The following MTIF2 variants were observed in gnomAD, a reference collection of about 807,000 sequenced individuals.
The protein encoded by MTIF2 is mitochondrial translational initiation factor 2, also known as translation initiation factor IF-2, mitochondrial.
In MTIF2, 71 loss-of-function variants were observed where a neutral mutation model predicts 83.5. That is an observed-to-expected ratio of 0.85 (90% confidence interval 0.70 to 1.04). The LOEUF (loss-of-function observed/expected upper bound fraction) is 1.04. Ranked by LOEUF, MTIF2 falls within the 50% of genes least tolerant of loss-of-function variation. MTIF2 has a pLI of 0.00. For missense variants in MTIF2, 957 were observed against 846.5 expected, an observed-to-expected ratio of 1.13 and a Z score of -1.62; for synonymous variants, 319 against 287.1, an observed-to-expected ratio of 1.11 and a Z score of -1.12.
rs1677180210 is a variant in MTIF2 at position 55,252,587 on chromosome 2, A to G, written c.731T>C (p.Met244Thr). Reference sequence around the variant, plus strand: ...AGTGACCTGAGCACCTCTGGCTCTCATTGCTGAGAAAGCAGCATGTCCTGG... The same window carrying G: ...AGTGACCTGAGCACCTCTGGCTCTCGTTGCTGAGAAAGCAGCATGTCCTGG... ...DTPGHAAFSA[M>T]RARGAQVTDI... is the part of the protein sequence containing the mutation. Residue 244 changes from methionine to threonine, a missense_variant, in exon 8 of 16, where the codon ATG becomes ACG. This residue lies in a region of MTIF2 where 733 missense variants were observed against 648.7 expected (regional missense o/e 1.13). Coordinates refer to ENST00000263629, the MANE Select transcript of MTIF2 (RefSeq NM_002453.3). 6.2e-7 allele frequency: 1 copy of G among 1,614,172 alleles called. No homozygotes were observed. The highest frequency in any genetic ancestry group is 8.5e-7 in the Non-Finnish European group (1 of 1,179,994).
At position 55,262,320 on chromosome 2, in the gene MTIF2, GT is replaced by G; in HGVS notation, c.326del (p.Asn109ThrfsTer10). On this transcript the variant is annotated frameshift_variant, in exon 5 of 16. Coordinates refer to ENST00000263629, the MANE Select transcript of MTIF2 (RefSeq NM_002453.3). LOFTEE classifies it high-confidence loss of function. ...TTGTAAAAATATCTGACTCACCTGTGTTTTTTTCCATTGCCCTGGCCAGTTC... is the reference window on the plus strand; with the variant it reads ...TTGTAAAAATATCTGACTCACCTGTGTTTTTTCCATTGCCCTGGCCAGTTC... ...IEELARAMEK[N>X]TDYVYEALLN... is the part of the protein sequence containing the mutation. The G allele has an allele frequency of 8.7e-6, 14 of 1,606,362 alleles. No homozygotes were observed. The highest frequency in any genetic ancestry group is 1.2e-5 in the Non-Finnish European group (14 of 1,174,464).
chr2:55,247,594 A>T (rs182287882), intron 9 of MTIF2, among the ~76,000 whole-genome samples: 1 of 152,266 alleles, frequency 6.6e-6, no homozygotes, highest in East Asian at 1.9e-4. Flanking sequence ...AAAACAAAAC[A>T]AAACAAAACA....
rs1278696566 is a variant in MTIF2, at chr2:55,240,129, C to T, written c.1752G>A (p.Gln584=). ...FNVNAGNVIQ[Q]SAAKKGVKIK... ...TTTTTACTCCTTTTTTTGCAGCTGA[C>T]TGTTGGATAACATTGCCTGCATTCA... is the stretch of plus-strand genomic sequence containing the variant. The change falls in exon 14 of 16, where the codon CAG becomes CAA. Residue 584 remains glutamine, a synonymous_variant. Transcript: ENST00000263629. The T allele has an allele frequency of 6.2e-6, 10 of 1,613,868 alleles. No individual in the cohort carries two copies. The highest frequency in any genetic ancestry group is 8.5e-6 in the Non-Finnish European group (10 of 1,179,908).
At position 55,243,502 on chromosome 2, in the gene MTIF2, C is replaced by T. The variant is rs188291557; in HGVS notation, c.1478G>A (p.Arg493Gln). The T allele has an allele frequency of 2.0e-5, 32 of 1,613,808 alleles. No homozygotes were observed. The highest frequency in any genetic ancestry group is 1.6e-4 in the Middle Eastern group (1 of 6,082). Residue 493 changes from arginine to glutamine, a missense_variant, in exon 12 of 16, where the codon CGG becomes CAG. By Grantham distance (43) the Arg-to-Gln change is conservative. This residue lies in a region of MTIF2 where 733 missense variants were observed against 648.7 expected (regional missense o/e 1.13). Transcript: ENST00000263629. ...TATTTGTTCTTTTCTTTCTAAAAACCGTAGAATTGATCTCTTCTTCCACAG... is the reference window on the plus strand; with the variant it reads ...TATTTGTTCTTTTCTTTCTAAAAACTGTAGAATTGATCTCTTCTTCCACAG... ...HLLWKKRSIL[R>Q]FLERKEQIPL...
intron 5 of MTIF2, among the ~76,000 whole-genome samples, chr2:55,259,728 G>C (rs1028839094): frequency 2.2e-4 from 33 of 152,114 alleles, no homozygotes; most frequent in Non-Finnish European, 8.8e-5. Flanking sequence ...CAGATCACTT[G>C]AGGTCAGGAG....
rs1013758413 is a variant in MTIF2, at chr2:55,243,332, T to C, written c.1564+84A>G. The C allele has an allele frequency of 3.9e-6, 5 of 1,283,790 alleles. No homozygotes were observed. The African/African-American group carries it at 6.0e-5, about 15-fold the overall frequency. 79.5% of individuals were successfully genotyped at this position (1,283,790 alleles called of 1,614,324 possible). On this transcript the variant is annotated intron_variant, in intron 12 of 15. Transcript: ENST00000263629. ...TCCTAAAATATTGAAATAATTTTCA[T>C]GTAAATGTAAAGGCCCAAACTATGA...
intron 9 of MTIF2, 113 bp downstream of exon 9, chr2:55,249,282 T>C (rs1676920482): frequency 7.0e-7 from 1 of 1,420,766 alleles, no homozygotes; most frequent in Non-Finnish European, 9.4e-7. Flanking sequence ...AAGAAAACTT[T>C]TTAAAAACAA....
chr2:55,237,494 C>G (rs1675938371), intron 14 of MTIF2, 66 bp from the exon 15 acceptor site: 1 of 1,471,162 alleles, frequency 6.8e-7, no homozygotes, highest in African/African-American at 1.4e-5. Flanking sequence ...TAATTTCTGA[C>G]ATTCTGTGGT....
chr2:55,240,540 C>G (rs1477641829), intron 13 of MTIF2, among the ~76,000 whole-genome samples: 1 of 152,066 alleles, frequency 6.6e-6, no homozygotes, highest in Non-Finnish European at 1.5e-5. Flanking sequence ...GATCGCGCCA[C>G]TGCACTCCAG....
chr2:55,263,871 GA>G lies in MTIF2; in HGVS notation c.-7-7del, dbSNP rs151189093. 5,967 of 1,430,412 alleles carry G rather than the reference GA, an allele frequency of 4.2e-3. 16 individuals are homozygous for G. The highest frequency in any genetic ancestry group is 4.6e-3 in the Non-Finnish European group (4,802 of 1,053,914). The allele number at this position is 1,430,412 out of a possible 1,614,324, so 88.6% of individuals were successfully genotyped here. ...GCTTCTGGTTCATGTTTCTCCTGGG[GA>G]AAAAAAAAAGGTTTTAAAATAATAT... On this transcript the variant is annotated splice_region_variant and splice_polypyrimidine_tract_variant and intron_variant, in intron 3 of 15. Transcript: ENST00000263629.
intron 7 of MTIF2, 94 bp downstream of exon 7, chr2:55,253,947 T>A: frequency 1.5e-6 from 2 of 1,336,546 alleles, no homozygotes; most frequent in Non-Finnish European, 2.1e-6. Context: ...AGCCTTCTCT[T>A]GTACTTTGAA....
At position 55,263,713 on chromosome 2, in the gene MTIF2, C is replaced by T. The variant is rs1268282981; in HGVS notation, c.146G>A (p.Cys49Tyr). ...CACATCTGTTGGCCAGGGCCAGGCA[C>T]ACAGTTGAGCTGTCCACACAGGGTA... The part of the protein sequence containing the change: ...SAYPVWTAQL[C>Y]AWPWPTDVLT... The change falls in exon 4 of 16, where the codon TGT (cysteine) becomes TAT (tyrosine). Residue 49 changes from cysteine to tyrosine, a missense_variant. By Grantham distance (194) the Cys-to-Tyr change is radical (BLOSUM62 -2). Coordinates refer to ENST00000263629, the MANE Select transcript of MTIF2 (RefSeq NM_002453.3). 3 of 1,613,982 alleles carry T rather than the reference C, an allele frequency of 1.9e-6. No individual in the cohort carries two copies. Among genetic ancestry groups the T allele is most frequent in the African/African-American group, 2.7e-5 (2 of 74,906 alleles).
chr2:55,256,631 A>T (rs1224960124), intron 5 of MTIF2, among the ~76,000 whole-genome samples: 1 of 150,756 alleles, frequency 6.6e-6, no homozygotes, highest in Non-Finnish European at 1.5e-5. Flanking sequence ...AATCCGGGAG[A>T]CAGAGGTTGA....
chr2:55,242,616 G>A (rs370179424), intron 13 of MTIF2, among the ~76,000 whole-genome samples: 8 of 152,194 alleles, frequency 5.3e-5, no homozygotes, highest in East Asian at 1.9e-4. Context: ...TGAAAGATAT[G>A]AGAAATCAAC....
chr2:55,251,292 C>G (rs1307179695), intron 8 of MTIF2, among the ~76,000 whole-genome samples: 1 of 151,940 alleles, frequency 6.6e-6, no homozygotes, highest in Non-Finnish European at 1.5e-5. Flanking sequence ...CATGTATTCC[C>G]TAGAATCATT....
chr2:55,240,752 T>C (rs1676247881), intron 13 of MTIF2, among the ~76,000 whole-genome samples: 1 of 152,218 alleles, frequency 6.6e-6, no homozygotes, highest in Non-Finnish European at 1.5e-5. Flanking sequence ...TAAGTGCCTA[T>C]AACGTGTAAA....
intron 3 of MTIF2, 58 bp from the exon 4 acceptor site, chr2:55,263,923 T>G: frequency 7.5e-7 from 1 of 1,339,852 alleles, no homozygotes; most frequent in East Asian, 2.3e-5. Flanking sequence ...AAATATTAAT[T>G]GGATATTTAC....
chr2:55,254,567 T>A, intron 6 of MTIF2, 87 bp downstream of exon 6: 1 of 1,208,026 alleles, frequency 8.3e-7, no homozygotes, highest in Non-Finnish European at 1.1e-6. Flanking sequence ...ACAAAAGAAA[T>A]TTTAAAGCAA....
intron 14 of MTIF2, among the ~76,000 whole-genome samples, chr2:55,238,907 G>A (rs1337663756): frequency 2.0e-5 from 3 of 152,102 alleles, no homozygotes; most frequent in African/African-American, 7.2e-5. Flanking sequence ...ATGTTGAGCA[G>A]GTCAGAAAAA....
Sources: gnomAD v4.1 joint callset for allele counts (sites outside exome capture counted in the v4.1 genomes callset) on GRCh38, gnomAD v4.1.1 for gene constraint, gnomAD v4.1.1 regional missense constraint, MANE v1.5 for transcripts, NCBI Gene and HGNC (gene_info 2026-07-23, HGNC 2026-07-21) for gene names.